FAM135A: variants seen among roughly 807,000 people sequenced by gnomAD.
The protein encoded by FAM135A is family with sequence similarity 135 member A.
FAM135A carries 79 observed loss-of-function variants against 146.8 expected under a neutral mutation model. That is an observed-to-expected ratio of 0.54 (90% CI 0.45 to 0.65). FAM135A has a LOEUF of 0.65. Among genes scored for constraint, FAM135A ranks in the 30% least tolerant of loss-of-function variants. FAM135A has a pLI of 0.00. For synonymous variants in FAM135A, 562 were observed against 603.6 expected (o/e 0.93, Z 1.01); for missense variants, 1,623 against 1,758.2 (o/e 0.92, Z 1.38).
chr6:70,494,366 A>G (rs1786742003), intron 11 of FAM135A, among the ~76,000 whole-genome samples: 1 of 152,006 alleles, frequency 6.6e-6, no homozygotes, highest in East Asian at 1.9e-4. Flanking sequence ...ACAGTGGCAC[A>G]CAATTGTAGT....
intron 1 of FAM135A, among the ~76,000 whole-genome samples, chr6:70,414,159 TC>T (rs1239550549): frequency 6.6e-6 from 1 of 152,148 alleles, no homozygotes; most frequent in Non-Finnish European, 1.5e-5. Context: ...TGTGCTTCCA[TC>T]CCTTGCCTGG....
At chr6:70,457,351 T>C (rs929493658) in intron 5 of FAM135A, among the ~76,000 whole-genome samples, 16 of 152,220 alleles carry the variant, frequency 1.1e-4, no homozygotes, top group Admixed American at 2.6e-4. Flanking sequence ...CAAGATTCTT[T>C]CCGTACGTAG....
chr6:70,554,477 T>C lies in FAM135A; in HGVS notation c.4229-2273T>C, dbSNP rs114026379. 4.8e-3 allele frequency among the ~76,000 whole-genome samples: 723 copies of C among 152,204 alleles called. 8 individuals carry two copies. The highest frequency in any genetic ancestry group is 0.016 in the African/African-American group (671 of 41,510). On this transcript the variant is annotated intron_variant, in intron 20 of 21. Transcript: ENST00000418814. ...AATTAGGAAGAAAGACTTCTGGGAA[T>C]AGGTTCAGTAAAGAACAGGAGGAAA...
chr6:70,465,053 CT>C (rs1780190808), intron 5 of FAM135A, among the ~76,000 whole-genome samples: 4 of 151,976 alleles, frequency 2.6e-5, no homozygotes, highest in African/African-American at 9.7e-5. Flanking sequence ...TTCCTACCCC[CT>C]GTCAACCCAC....
chr6:70,462,129 A>G (rs182899773), intron 5 of FAM135A, among the ~76,000 whole-genome samples: 117 of 152,338 alleles, frequency 7.7e-4, no homozygotes, highest in Non-Finnish European at 9.8e-4. Flanking sequence ...AATTCACTCT[A>G]TGTGTAGACA....
intron 12 of FAM135A, among the ~76,000 whole-genome samples, chr6:70,520,650 C>T (rs1273720198): frequency 2.0e-5 from 3 of 148,542 alleles, no homozygotes; most frequent in Non-Finnish European, 4.5e-5. Flanking sequence ...AAAATGCATG[C>T]CAAAATACAT....
chr6:70,498,686 C>T (rs906878644), intron 11 of FAM135A, among the ~76,000 whole-genome samples: 35 of 152,262 alleles, frequency 2.3e-4, no homozygotes, highest in Non-Finnish European at 4.0e-4. Flanking sequence ...TCTTTGTTCT[C>T]ATTGGTTTCA....
chr6:70,503,483 G>T (rs1168212906), intron 12 of FAM135A: 1 of 151,884 alleles, frequency 6.6e-6, no homozygotes, highest in Non-Finnish European at 1.5e-5. Context: ...GTCAGAAAAT[G>T]CATAAAACAG....
At chr6:70,543,287 A>G (rs1024831897) in intron 20 of FAM135A, among the ~76,000 whole-genome samples, 6 of 152,168 alleles carry the variant, frequency 3.9e-5, no homozygotes, top group Middle Eastern at 3.2e-3. Context: ...CCTCATTCCT[A>G]TCACCCATGT....
chr6:70,557,972 A>G lies in FAM135A; in HGVS notation c.4342+1109A>G, dbSNP rs143135901. Among the ~76,000 whole-genome samples the G allele has an allele frequency of 2.5e-3, 374 of 152,328 alleles. 4 individuals are homozygous for G. The highest frequency in any genetic ancestry group is 8.6e-3 in the African/African-American group (356 of 41,568). ...TCTAGCAAAGGCTAGAGTCCACCTA[A>G]GGAAAAAATTCAGAAGAGTCTTAAC... On this transcript the variant is annotated intron_variant, in intron 21 of 21. Transcript: ENST00000418814.
At chr6:70,540,576 C>T (rs571488914) in intron 20 of FAM135A, among the ~76,000 whole-genome samples, 22 of 152,206 alleles carry the variant, frequency 1.4e-4, no homozygotes, top group East Asian at 5.8e-4. Flanking sequence ...CCGCCCGCCT[C>T]GGCCTCCTAA....
intron 4 of FAM135A, among the ~76,000 whole-genome samples, chr6:70,446,370 G>A (rs1017753376): frequency 5.9e-5 from 9 of 152,202 alleles, no homozygotes; most frequent in Middle Eastern, 3.4e-3. Flanking sequence ...CCATCTGACC[G>A]TTTTGTTCAG....
chr6:70,442,300 G>T, intron 4 of FAM135A, among the ~76,000 whole-genome samples: 1 of 137,688 alleles, frequency 7.3e-6, no homozygotes. Flanking sequence ...AAAATACTGT[G>T]TTTTAAAAAT....
intron 5 of FAM135A, among the ~76,000 whole-genome samples, chr6:70,472,181 G>A (rs1199818951): frequency 6.6e-6 from 1 of 152,140 alleles, no homozygotes; most frequent in Non-Finnish European, 1.5e-5. Flanking sequence ...GAGAGATGCA[G>A]CATCTTCAGG....
intron 5 of FAM135A, among the ~76,000 whole-genome samples, chr6:70,464,735 C>G (rs1370775159): frequency 1.5e-5 from 2 of 132,628 alleles, no homozygotes; most frequent in Non-Finnish European, 3.1e-5. Context: ...GGTGTGATCT[C>G]GGCTCACTGC....
chr6:70,515,982 T>A (rs1440885620), intron 12 of FAM135A, among the ~76,000 whole-genome samples: 1 of 152,194 alleles, frequency 6.6e-6, no homozygotes, highest in Non-Finnish European at 1.5e-5. Flanking sequence ...TCAATTATCT[T>A]GGTGTCTCTT....
intron 20 of FAM135A, among the ~76,000 whole-genome samples, chr6:70,541,579 C>A (rs960973859): frequency 3.3e-5 from 5 of 152,136 alleles, no homozygotes; most frequent in East Asian, 1.9e-4. Context: ...TAGCCTCTGT[C>A]TTCTGCTCTT....
chr6:70,490,375 T>C (rs908432140), intron 10 of FAM135A, among the ~76,000 whole-genome samples: 1 of 152,174 alleles, frequency 6.6e-6, no homozygotes, highest in Admixed American at 6.5e-5. Context: ...TATATTTTGT[T>C]AGTTTCTGTT....
rs550201627 is a variant in FAM135A at position 70,469,260 on chromosome 6, A to G, written c.158-6150A>G. ...TATTCAGTAAATATTTGTTGATCGG[A>G]TGAGTGAATGAATGACTAGGAAGTT... On this transcript the variant is annotated intron_variant, in intron 5 of 21. Coordinates refer to ENST00000418814, the MANE Select transcript of FAM135A (RefSeq NM_001162529.3). 1.8e-3 allele frequency among the ~76,000 whole-genome samples: 269 copies of G among 152,312 alleles called. 2 individuals are homozygous for G. The highest frequency in any genetic ancestry group is 7.3e-3 in the Admixed American group (112 of 15,300).
Sources: gnomAD v4.1 joint callset for allele counts (sites outside exome capture counted in the v4.1 genomes callset) on GRCh38, gnomAD v4.1.1 for gene constraint, MANE v1.5 for transcripts, NCBI Gene and HGNC (gene_info 2026-07-23, HGNC 2026-07-21) for gene names.